Variants in RBFOX1 observed in about 807,000 individuals in gnomAD.
RBFOX1 encodes the protein RNA binding fox-1 homolog 1.
RBFOX1 carries 8 observed loss-of-function variants against 57.7 expected under a neutral mutation model. The ratio of observed to expected loss-of-function variants is 0.14; its 90% confidence interval spans 0.08 to 0.25. The LOEUF (loss-of-function observed/expected upper bound fraction) is 0.25, where lower values mean the gene tolerates loss of function less well. Ranked by LOEUF, RBFOX1 falls within the 10% of genes least tolerant of loss-of-function variation. The pLI is 1.00. For synonymous variants in RBFOX1, 326 were observed against 222.4 expected, an observed-to-expected ratio of 1.47 and a Z score of -4.15; for missense variants, 611 against 548.5, an observed-to-expected ratio of 1.11 and a Z score of -1.14.
intron 1 of RBFOX1, among the ~76,000 whole-genome samples, chr16:6,061,043 A>C (rs553376282): frequency 6.6e-6 from 1 of 152,196 alleles, no homozygotes; most frequent in East Asian, 1.9e-4. Flanking sequence ...TGCCCACCAC[A>C]CTGATTACGA....
chr16:6,749,749 G>C (rs905674509), intron 3 of RBFOX1, among the ~76,000 whole-genome samples: 1 of 152,146 alleles, frequency 6.6e-6, no homozygotes, highest in Admixed American at 6.6e-5. Context: ...ACAGCGACTT[G>C]GAAAGTTTTT....
At chr16:7,388,141 A>G (rs2097915951) in intron 4 of RBFOX1, among the ~76,000 whole-genome samples, 1 of 152,136 alleles carries the variant, frequency 6.6e-6, no homozygotes, top group Non-Finnish European at 1.5e-5. Context: ...TGCATAATCG[A>G]AAATAGCAGG....
At chr16:6,725,264 G>C (rs1215810943) in intron 3 of RBFOX1, among the ~76,000 whole-genome samples, 1 of 151,852 alleles carries the variant, frequency 6.6e-6, no homozygotes, top group African/African-American at 2.4e-5. Context: ...TGTTAGCCAG[G>C]ATGGTCTGGA....
At chr16:6,121,697 G>C (rs2096550993) in intron 1 of RBFOX1, among the ~76,000 whole-genome samples, 1 of 152,126 alleles carries the variant, frequency 6.6e-6, no homozygotes, top group Non-Finnish European at 1.5e-5. Context: ...AGCTCTTAAG[G>C]TCAAGGGTGT....
intron 1 of RBFOX1, among the ~76,000 whole-genome samples, chr16:5,325,801 C>G (rs376696401): frequency 3.3e-5 from 5 of 152,296 alleles, no homozygotes; most frequent in African/African-American, 1.2e-4. Flanking sequence ...TATGGATATA[C>G]TGCAGTTTGT....
At chr16:7,225,706 T>C (rs182219897) in intron 4 of RBFOX1, among the ~76,000 whole-genome samples, 1 of 131,442 alleles carries the variant, frequency 7.6e-6, no homozygotes, top group East Asian at 2.2e-4. Flanking sequence ...TTGGCGTTTG[T>C]CAAAAGTAGA....
intron 3 of RBFOX1, among the ~76,000 whole-genome samples, chr16:5,791,331 T>C (rs2054688114): frequency 6.6e-6 from 1 of 152,238 alleles, no homozygotes. Context: ...TTAATAATTA[T>C]ATCATCTTAA....
chr16:5,763,456 T>A (rs982979470), intron 3 of RBFOX1, among the ~76,000 whole-genome samples: 13 of 152,186 alleles, frequency 8.5e-5, no homozygotes, highest in African/African-American at 3.1e-4. Context: ...ACAGCCAGAT[T>A]CTGGCTGTGA....
chr16:5,880,940 G>T (rs776488426), intron 4 of RBFOX1, among the ~76,000 whole-genome samples: 15 of 152,144 alleles, frequency 9.9e-5, no homozygotes, highest in Non-Finnish European at 1.9e-4. Flanking sequence ...TAAGCATTAT[G>T]ATATTTTGAG....
intron 1 of RBFOX1, among the ~76,000 whole-genome samples, chr16:5,257,854 G>T (rs1360646931): frequency 6.6e-6 from 1 of 151,982 alleles, no homozygotes; most frequent in African/African-American, 2.4e-5. Context: ...TTTGGGGTGG[G>T]GGGGAAATGG....
intron 2 of RBFOX1, among the ~76,000 whole-genome samples, chr16:6,551,980 A>G (rs1022613040): frequency 1.3e-5 from 2 of 152,210 alleles, no homozygotes; most frequent in Non-Finnish European, 2.9e-5. Context: ...TTCTAGTCAT[A>G]TCCCATTACC....
chr16:5,806,425 A>T (rs918375424), intron 3 of RBFOX1, among the ~76,000 whole-genome samples: 12 of 152,166 alleles, frequency 7.9e-5, no homozygotes, highest in African/African-American at 2.4e-4. Context: ...GAAGAGCCAG[A>T]AAGGGAGCCA....
chr16:6,188,902 A>C (rs1598206313), intron 1 of RBFOX1, among the ~76,000 whole-genome samples: 1 of 114,926 alleles, frequency 8.7e-6, no homozygotes, highest in African/African-American at 5.1e-5. Context: ...CTTTTCTTTT[A>C]TTAAGAGATC....
At chr16:7,142,125 G>A (rs1302737441) in intron 4 of RBFOX1, among the ~76,000 whole-genome samples, 4 of 152,068 alleles carry the variant, frequency 2.6e-5, no homozygotes, top group South Asian at 2.1e-4. Flanking sequence ...CCAGGCTAAA[G>A]GGAGCCTCAC....
At chr16:6,731,784 T>A (rs752893085) in intron 3 of RBFOX1, among the ~76,000 whole-genome samples, 1 of 152,124 alleles carries the variant, frequency 6.6e-6, no homozygotes, top group Non-Finnish European at 1.5e-5. Flanking sequence ...ATTTCTCCAT[T>A]TCTCCCTTCC....
intron 11 of RBFOX1, among the ~76,000 whole-genome samples, chr16:7,641,989 T>G (rs2062890943): frequency 6.6e-6 from 1 of 152,118 alleles, no homozygotes; most frequent in African/African-American, 2.4e-5. Context: ...ATGGTGTACT[T>G]TTATAGTCCT....
intron 4 of RBFOX1, among the ~76,000 whole-genome samples, chr16:7,055,294 T>C (rs1426700287): frequency 1.3e-5 from 2 of 152,180 alleles, no homozygotes; most frequent in African/African-American, 4.8e-5. Flanking sequence ...ATCAGTATTA[T>C]CAGTTAAGAT....
intron 3 of RBFOX1, among the ~76,000 whole-genome samples, chr16:6,753,508 T>C (rs1453492736): frequency 6.6e-6 from 1 of 152,298 alleles, no homozygotes; most frequent in Admixed American, 6.5e-5. Flanking sequence ...TCATCTCCTA[T>C]ACCATGTCTC....
At chr16:6,592,820 A>G (rs1020189640) in intron 2 of RBFOX1, among the ~76,000 whole-genome samples, 1 of 152,154 alleles carries the variant, frequency 6.6e-6, no homozygotes, top group African/African-American at 2.4e-5. Context: ...ACTGGATTCC[A>G]GTTCTATTCA....
Sources: gnomAD v4.1 joint callset for allele counts (sites outside exome capture counted in the v4.1 genomes callset) on GRCh38, gnomAD v4.1.1 for gene constraint, MANE v1.5 for transcripts, NCBI Gene and HGNC (gene_info 2026-07-23, HGNC 2026-07-21) for gene names.